EPM2A: variants seen among roughly 807,000 people sequenced by gnomAD.
EPM2A encodes laforin.
A neutral mutation model predicts 26.5 loss-of-function variants in EPM2A; 21 were observed. The observed-to-expected ratio is 0.79, with a 90% CI of 0.56 to 1.14. EPM2A has a LOEUF of 1.14. Ranked by LOEUF, EPM2A falls within the 50% of genes most tolerant of loss-of-function variation. The probability of loss-of-function intolerance (pLI) is 0.00; values close to 1 mark genes in which losing one functional copy is unlikely to be tolerated. For missense variants in EPM2A, 458 were observed against 440.8 expected (o/e 1.04, Z -0.35); for synonymous variants, 217 against 177.6 (o/e 1.22, Z -1.76).
At chr6:145,473,737 A>G (rs1779505769) in intron 4 of EPM2A, among the ~76,000 whole-genome samples, 1 of 152,216 alleles carries the variant, frequency 6.6e-6, no homozygotes, top group Non-Finnish European at 1.5e-5. Context: ...GAAACCTTAC[A>G]GGCCAGAAGA....
chr6:145,551,138 T>C (rs1780649757), intron 2 of EPM2A, among the ~76,000 whole-genome samples: 1 of 152,100 alleles, frequency 6.6e-6, no homozygotes, highest in Non-Finnish European at 1.5e-5. Context: ...ATTTCTGTTT[T>C]CAATGATATG....
intron 2 of EPM2A, among the ~76,000 whole-genome samples, chr6:145,513,583 G>C (rs1206814382): frequency 6.6e-6 from 1 of 152,150 alleles, no homozygotes; most frequent in Non-Finnish European, 1.5e-5. Flanking sequence ...ATAGAAAAGT[G>C]ATTTCAGGAG....
chr6:145,676,453 CA>C (rs1238051351), intron 2 of EPM2A, among the ~76,000 whole-genome samples: 1 of 151,448 alleles, frequency 6.6e-6, no homozygotes, highest in Admixed American at 6.6e-5. Flanking sequence ...GATAGAGACA[CA>C]AAAAAACCCT....
At chr6:145,537,606 T>C (rs1780449607) in intron 2 of EPM2A, among the ~76,000 whole-genome samples, 1 of 151,270 alleles carries the variant, frequency 6.6e-6, no homozygotes, top group Non-Finnish European at 1.5e-5. Context: ...TTTTTTAACT[T>C]TAAGTTCCAG....
chr6:145,416,037 C>T (rs1778703445), intron 4 of EPM2A, among the ~76,000 whole-genome samples: 1 of 152,192 alleles, frequency 6.6e-6, no homozygotes. Context: ...TGAATGGCAT[C>T]ACCACCGACT....
chr6:145,545,062 G>A (rs1232551353), intron 2 of EPM2A, among the ~76,000 whole-genome samples: 1 of 152,116 alleles, frequency 6.6e-6, no homozygotes, highest in African/African-American at 2.4e-5. Context: ...CACTTGTGAA[G>A]CCTAAGTATC....
downstream of EPM2A, among the ~76,000 whole-genome samples, chr6:145,501,137 C>T (rs1582802794): frequency 6.6e-6 from 1 of 152,150 alleles, no homozygotes; most frequent in East Asian, 1.9e-4. Flanking sequence ...TCACTCTCAA[C>T]TTTTACAAGC....
rs1427364261 is a variant in EPM2A, at chr6:145,627,063, A to C, written c.*353T>G. 4 of 1,183,818 alleles carry C rather than the reference A, an allele frequency of 3.4e-6. No individual in the cohort carries two copies. The Admixed American group carries it at 1.7e-4, about 50-fold the overall frequency. 73.3% of individuals were successfully genotyped at this position (1,183,818 alleles called of 1,614,324 possible). A position where few individuals can be genotyped will look rare whatever the true frequency, so the allele number is the denominator to read the frequency against. On this transcript the variant is annotated 3_prime_UTR_variant, in exon 4 of 4. Transcript: ENST00000367519. ...TCTACATGGCCAAGAGTTTCAGTGC[A>C]ACAGGAAAGTGCTGTCACGGATCCA...
chr6:145,476,353 C>T (rs996682089), intron 4 of EPM2A, among the ~76,000 whole-genome samples: 68 of 151,860 alleles, frequency 4.5e-4, no homozygotes, highest in African/African-American at 1.5e-3. Flanking sequence ...ACTTCAATAC[C>T]CCACTTTCAG....
chr6:145,498,021 C>T (rs1779842984), downstream of EPM2A, among the ~76,000 whole-genome samples: 1 of 152,162 alleles, frequency 6.6e-6, no homozygotes, highest in Non-Finnish European at 1.5e-5. Flanking sequence ...GGAGGTCCTG[C>T]CCAGAGATGA....
At chr6:145,465,180 AT>A (rs1232296742) in intron 4 of EPM2A, among the ~76,000 whole-genome samples, 1 of 151,736 alleles carries the variant, frequency 6.6e-6, no homozygotes, top group Non-Finnish European at 1.5e-5. Flanking sequence ...ATTTCTTTTT[AT>A]TCTTTTTTCT....
At chr6:145,681,663 T>G (rs1780547689) in intron 2 of EPM2A, among the ~76,000 whole-genome samples, 1 of 151,864 alleles carries the variant, frequency 6.6e-6, no homozygotes, top group East Asian at 1.9e-4. Flanking sequence ...CTTTCCCCAT[T>G]GCTTGTTTTT....
At chr6:145,607,304 T>C (rs912930014) in intron 2 of EPM2A, among the ~76,000 whole-genome samples, 1 of 152,192 alleles carries the variant, frequency 6.6e-6, no homozygotes, top group African/African-American at 2.4e-5. Flanking sequence ...CATGGGAGCT[T>C]GGGACAGATT....
chr6:145,490,156 A>C, intron 4 of EPM2A: 1 of 1,069,712 alleles, frequency 9.3e-7, no homozygotes, highest in East Asian at 2.4e-5. Context: ...TTTCTACTGA[A>C]AGAACTTCTT....
chr6:145,436,524 C>A (rs1181722579), intron 4 of EPM2A, among the ~76,000 whole-genome samples: 1 of 152,110 alleles, frequency 6.6e-6, no homozygotes, highest in Non-Finnish European at 1.5e-5. Context: ...ATCTTTTTTA[C>A]TGTTAACATC....
At chr6:145,562,063 C>A (rs1174496156) in intron 2 of EPM2A, among the ~76,000 whole-genome samples, 1 of 138,088 alleles carries the variant, frequency 7.2e-6, no homozygotes, top group Non-Finnish European at 1.6e-5. Flanking sequence ...TAAATTTTTC[C>A]AAAAAATATA....
intron 4 of EPM2A, among the ~76,000 whole-genome samples, chr6:145,406,015 A>AC (rs1778564254): frequency 3.8e-5 from 4 of 104,770 alleles, no homozygotes; most frequent in Non-Finnish European, 9.2e-5. Flanking sequence ...CACACACACA[A>AC]CAGACAGACA....
chr6:145,594,112 A>C (rs933696819), intron 2 of EPM2A, among the ~76,000 whole-genome samples: 2 of 151,876 alleles, frequency 1.3e-5, no homozygotes, highest in Non-Finnish European at 2.9e-5. Context: ...TAAAAGCATA[A>C]GAAAGGAATT....
At position 145,667,470 on chromosome 6, in the gene EPM2A, A is replaced by T. The variant is rs531392481; in HGVS notation, c.476+18652T>A. On this transcript the variant is annotated intron_variant, in intron 2 of 3. Coordinates refer to ENST00000367519, the MANE Select transcript of EPM2A (RefSeq NM_005670.4). The stretch of plus-strand genomic sequence containing the variant: ...CAAATCAAAACCACAATGAGATATT[A>T]TCTCACACCAGTTAGAATGGCAATC... Among the ~76,000 whole-genome samples the T allele has an allele frequency of 4.4e-3, 653 of 149,110 alleles. 13 individuals are homozygous for T. Among genetic ancestry groups the T allele is most frequent in the African/African-American group, 0.014 (564 of 39,372 alleles).
Sources: allele counts gnomAD v4.1 joint callset (sites outside exome capture counted in the v4.1 genomes callset), GRCh38; gene constraint gnomAD v4.1.1; transcripts MANE v1.5; gene names NCBI Gene and HGNC (gene_info 2026-07-23, HGNC 2026-07-21).